TTC6: variants seen among roughly 807,000 people sequenced by gnomAD.
TTC6 encodes the protein tetratricopeptide repeat domain 6, also known as tetratricopeptide repeat protein 6.
TTC6 carries 172 observed loss-of-function variants against 210.4 expected under a neutral mutation model. The observed-to-expected ratio is 0.82, with a 90% CI of 0.72 to 0.93. The LOEUF (loss-of-function observed/expected upper bound fraction) is 0.93, where lower values mean the gene tolerates loss of function less well. Among genes scored for constraint, TTC6 ranks in the 40% least tolerant of loss-of-function variants. The pLI is 0.00. For missense variants in TTC6, 2,414 were observed against 2,318.1 expected (o/e 1.04, Z -0.85); for synonymous variants, 804 against 819.6 (o/e 0.98, Z 0.32).
upstream of TTC6, chr14:37,621,952 A>G (rs1345990364): frequency 6.6e-6 from 5 of 753,862 alleles, no homozygotes; most frequent in Non-Finnish European, 1.0e-5. Flanking sequence ...TTCTCTTATG[A>G]GAAGCTTTGC....
chr14:37,755,429 T>C (rs187905514), intron 14 of TTC6, among the ~76,000 whole-genome samples: 1 of 152,328 alleles, frequency 6.6e-6, no homozygotes, highest in African/African-American at 2.4e-5. Context: ...TTGCTTTTGG[T>C]GTTTTAGACA....
At chr14:37,666,446 CAA>C (rs11416752) in intron 1 of TTC6, among the ~76,000 whole-genome samples, 36 of 122,002 alleles carry the variant, frequency 3.0e-4, no homozygotes, top group Non-Finnish European at 2.3e-4. Flanking sequence ...GGCCCTGTCT[CAA>C]AAAAAAAAAA....
intron 14 of TTC6, among the ~76,000 whole-genome samples, chr14:37,771,835 C>A: frequency 1.3e-5 from 2 of 152,284 alleles, no homozygotes; most frequent in African/African-American, 4.8e-5. Flanking sequence ...AGCTTTGTTC[C>A]GTTGCTCGTG....
intron 2 of TTC6, among the ~76,000 whole-genome samples, chr14:37,607,938 A>G (rs2095628067): frequency 6.6e-6 from 1 of 152,216 alleles, no homozygotes; most frequent in Non-Finnish European, 1.5e-5. Context: ...ACTCCCATGC[A>G]CATACTCTTA....
At chr14:37,679,981 C>T (rs944222819) in intron 1 of TTC6, among the ~76,000 whole-genome samples, 170 bp from the exon 4 acceptor site, 6 of 152,028 alleles carry the variant, frequency 3.9e-5, no homozygotes, top group African/African-American at 1.2e-4. Flanking sequence ...TGAGCCACCA[C>T]ACCCTGACTT....
intron 10 of TTC6, among the ~76,000 whole-genome samples, chr14:37,747,698 G>A (rs2095940260): frequency 6.6e-6 from 1 of 152,178 alleles, no homozygotes; most frequent in South Asian, 2.1e-4. Context: ...TATAGTCTGT[G>A]CAGATCAGTT....
intron 14 of TTC6, among the ~76,000 whole-genome samples, chr14:37,773,310 C>A (rs1398892154): frequency 6.6e-6 from 1 of 152,150 alleles, no homozygotes; most frequent in Admixed American, 6.5e-5. Flanking sequence ...TTGCAATTTG[C>A]TTCTGGCATT....
intron 6 of TTC6, among the ~76,000 whole-genome samples, chr14:37,715,195 ATAAT>A (rs1246865875): frequency 1.3e-5 from 2 of 152,086 alleles, no homozygotes; most frequent in African/African-American, 4.8e-5. Context: ...GAAGACCTCA[ATAAT>A]TTTTTATGTG....
At chr14:37,796,240 T>C (rs1035654136) in intron 18 of TTC6, 54 bp from the exon 21 acceptor site, 2 of 794,380 alleles carry the variant, frequency 2.5e-6, no homozygotes, top group East Asian at 3.0e-5. Context: ...AGAAACTTTA[T>C]TTTAGAAAGT....
At chr14:37,719,327 C>CTT (rs922872685) in intron 6 of TTC6, among the ~76,000 whole-genome samples, 3 of 147,056 alleles carry the variant, frequency 2.0e-5, no homozygotes, top group African/African-American at 7.5e-5. Flanking sequence ...TCCAGCAAGG[C>CTT]TTTTTTTTTT....
intron 1 of TTC6, among the ~76,000 whole-genome samples, chr14:37,671,579 A>G (rs938272368): frequency 2.0e-5 from 3 of 152,202 alleles, no homozygotes; most frequent in African/African-American, 7.2e-5. Context: ...AATAGAAAAC[A>G]TGTAAGAAAA....
At chr14:37,796,735 C>T (rs2096093495) in intron 19 of TTC6, 52 bp from the exon 22 acceptor site, 2 of 1,516,316 alleles carry the variant, frequency 1.3e-6, no homozygotes, top group Non-Finnish European at 1.8e-6. Flanking sequence ...TAATTATATT[C>T]AAAATCATTG....
Position 37,714,362 on chromosome 14 carries a change from GT to G in TTC6, c.1572-280del, listed in dbSNP as rs11397386. On this transcript the variant is annotated intron_variant, in intron 5 of 30. Coordinates refer to ENST00000553443, the Ensembl canonical transcript of TTC6. Reference sequence around the variant, plus strand: ...AGGTGAGAGATCAGAAGGTAAAGAAGTTTTTTTTTTTTTAACCTCTTTTGCA... The same window carrying G: ...AGGTGAGAGATCAGAAGGTAAAGAAGTTTTTTTTTTTTAACCTCTTTTGCA... Among the ~76,000 whole-genome samples, 981 of 146,748 alleles carry G rather than the reference GT, an allele frequency of 6.7e-3. 7 individuals are homozygous for G. Among genetic ancestry groups the G allele is most frequent in the African/African-American group, 0.019 (769 of 39,996 alleles).
intron 20 of TTC6, among the ~76,000 whole-genome samples, chr14:37,799,233 A>G (rs1247142999): frequency 1.3e-5 from 2 of 152,144 alleles, no homozygotes; most frequent in African/African-American, 4.8e-5. Context: ...AAGACTTTTT[A>G]TCAGCTTCAT....
intron 26 of TTC6, among the ~76,000 whole-genome samples, chr14:37,820,873 C>T (rs2096153910): frequency 1.4e-5 from 2 of 147,074 alleles, no homozygotes; most frequent in South Asian, 4.4e-4. Context: ...CTTCTTCCTC[C>T]TTCTCCTCCT....
At chr14:37,742,170 C>T (rs938374185) in intron 10 of TTC6, among the ~76,000 whole-genome samples, 30 of 152,144 alleles carry the variant, frequency 2.0e-4, no homozygotes, top group African/African-American at 6.0e-4. Flanking sequence ...TTGCCAATGG[C>T]GTTCCTATCC....
At chr14:37,601,311 A>G (rs2095615176) in intron 1 of TTC6, among the ~76,000 whole-genome samples, 1 of 151,992 alleles carries the variant, frequency 6.6e-6, no homozygotes, top group Admixed American at 6.6e-5. Flanking sequence ...TCTCTCCCTT[A>G]CTGGTCTAGT....
chr14:37,748,134 G>C (rs1418310530), intron 10 of TTC6, among the ~76,000 whole-genome samples: 2 of 152,180 alleles, frequency 1.3e-5, no homozygotes, highest in African/African-American at 4.8e-5. Flanking sequence ...AAATTATTCT[G>C]CTCTAAGAAG....
rs368115238 is a variant in TTC6, at chr14:37,837,121, C to G, written c.5299-4324C>G. ...TTAATATTCTGATACTTCAAGTAAC[C>G]TCATTAAATTTATAGGTTTCATTTT... On this transcript the variant is annotated intron_variant, in intron 29 of 30. Transcript: ENST00000553443. 7.0e-4 allele frequency among the ~76,000 whole-genome samples: 107 copies of G among 152,272 alleles called. 6 individuals are homozygous for G. The South Asian group carries it at 0.022, about 31-fold the overall frequency.
Sources: allele counts gnomAD v4.1 joint callset (sites outside exome capture counted in the v4.1 genomes callset), GRCh38; gene constraint gnomAD v4.1.1; transcripts MANE v1.5; gene names NCBI Gene and HGNC (gene_info 2026-07-23, HGNC 2026-07-21).